MROH2B: variants seen among roughly 807,000 people sequenced by gnomAD.
The protein encoded by MROH2B is maestro heat like repeat family member 2B.
A neutral mutation model predicts 208.6 loss-of-function variants in MROH2B; 177 were observed. The observed-to-expected ratio is 0.85, with a 90% CI of 0.75 to 0.96. The LOEUF (loss-of-function observed/expected upper bound fraction) is 0.96. Among genes scored for constraint, MROH2B ranks in the 40% least tolerant of loss-of-function variants. The pLI is 0.00. For missense variants in MROH2B, 2,002 were observed against 1,878.7 expected (o/e 1.07, Z -1.21); for synonymous variants, 728 against 659.0 (o/e 1.10, Z -1.60).
rs555334996 is a variant in MROH2B, at chr5:41,021,982, G to A, written c.2442-2964C>T. Among the ~76,000 whole-genome samples, 205 of 152,300 alleles carry A rather than the reference G, an allele frequency of 1.3e-3. 2 individuals carry two copies. The highest frequency in any genetic ancestry group is 4.6e-3 in the African/African-American group (193 of 41,578). Reference sequence around the variant, plus strand: ...GACAAGGGTGCCAAGACCATTCCATGGGGAAAGGACAATTTTTTAAAAAAC... The same window carrying A: ...GACAAGGGTGCCAAGACCATTCCATAGGGAAAGGACAATTTTTTAAAAAAC... On this transcript the variant is annotated intron_variant, in intron 24 of 41. Coordinates refer to ENST00000399564, the MANE Select transcript of MROH2B (RefSeq NM_173489.5).
chr5:41,028,515 G>A (rs1224455264), intron 24 of MROH2B, among the ~76,000 whole-genome samples: 1 of 151,750 alleles, frequency 6.6e-6, no homozygotes, highest in African/African-American at 2.4e-5. Flanking sequence ...CTCCATTTCT[G>A]TATATCTGAC....
intron 24 of MROH2B, among the ~76,000 whole-genome samples, chr5:41,032,050 C>A (rs765764874): frequency 6.6e-6 from 1 of 152,074 alleles, no homozygotes; most frequent in Non-Finnish European, 1.5e-5. Flanking sequence ...ATGCATATGT[C>A]TTCACAGTAG....
At chr5:41,049,668 T>C (rs1255606250) in intron 13 of MROH2B, among the ~76,000 whole-genome samples, 2 of 152,200 alleles carry the variant, frequency 1.3e-5, no homozygotes, top group Non-Finnish European at 2.9e-5. Flanking sequence ...GTTGCTGGAA[T>C]GTGGGGCAGG....
intron 33 of MROH2B, 106 bp downstream of exon 33, chr5:41,008,494 TCATGGA>T: frequency 8.0e-7 from 1 of 1,254,824 alleles, no homozygotes; most frequent in South Asian, 1.5e-5. Context: ...CCTTGTTTCT[TCATGGA>T]CAATGGATGC....
chr5:41,022,326 C>T (rs1034568537), intron 24 of MROH2B, among the ~76,000 whole-genome samples: 1 of 152,162 alleles, frequency 6.6e-6, no homozygotes, highest in African/African-American at 2.4e-5. Flanking sequence ...CAGATGGCAC[C>T]TGGAAAATTG....
At chr5:41,058,286 C>A in intron 6 of MROH2B, 83 bp from the exon 7 acceptor site, 1 of 1,317,650 alleles carries the variant, frequency 7.6e-7, no homozygotes, top group South Asian at 2.1e-5. Context: ...GCTTTAGGTA[C>A]TCCTGAAAAC....
chr5:41,035,054 A>T (rs1365620793), intron 21 of MROH2B, among the ~76,000 whole-genome samples: 1 of 152,170 alleles, frequency 6.6e-6, no homozygotes, highest in African/African-American at 2.4e-5. Context: ...TGGTATTCCT[A>T]TCAAATTACC....
Position 41,004,406 on chromosome 5 carries a change from G to C in MROH2B, c.4134C>G (p.Asp1378Glu). The change falls in exon 37 of 42, where the codon GAC becomes GAG. Residue 1378 changes from aspartate (D) to glutamate (E), a missense_variant. By Grantham distance (45) the Asp-to-Glu change is conservative (BLOSUM62 2). Coordinates refer to ENST00000399564, the MANE Select transcript of MROH2B (RefSeq NM_173489.5). ...CCTTGAAGTAGAAGCTCACGTCTCG[G>C]TCTGTCAGCAGCTCCAGGATTTTTT... is the stretch of plus-strand genomic sequence containing the variant. Reference protein sequence around the residue: ...ALKKILELLTDRDVSFYFKEI... With the variant: ...ALKKILELLTERDVSFYFKEI... The C allele has an allele frequency of 6.2e-7, 1 of 1,613,978 alleles. No homozygotes were observed. Among genetic ancestry groups the C allele is most frequent in the Non-Finnish European group, 8.5e-7 (1 of 1,179,878 alleles).
At chr5:41,026,470 A>C (rs1260625238) in intron 24 of MROH2B, among the ~76,000 whole-genome samples, 1 of 152,208 alleles carries the variant, frequency 6.6e-6, no homozygotes, top group East Asian at 1.9e-4. Context: ...CTAGGAATCC[A>C]ACTTACTAGG....
Position 41,055,840 on chromosome 5 carries a change from C to T in MROH2B, c.935G>A (p.Gly312Glu), listed in dbSNP as rs778916080. ...TTCATCAAAAAATTCCATCAGCTCT[C>T]CAGGATTGGAATGGGCTGCAGGTTC... ...CFLILAHSNP[G>E]ELMEFFDEQV... Residue 312 changes from glycine (G) to glutamate (E), a missense_variant, in exon 10 of 42, where the codon GGA becomes GAA. Physicochemically the swap from Gly to Glu is moderately conservative, Grantham distance 98. Transcript: ENST00000399564. The T allele has an allele frequency of 1.2e-6, 2 of 1,613,272 alleles. No homozygotes were observed. Among genetic ancestry groups the T allele is most frequent in the Non-Finnish European group, 1.7e-6 (2 of 1,179,340 alleles).
chr5:41,046,837 G>A (rs1258369377), intron 17 of MROH2B, among the ~76,000 whole-genome samples: 1 of 152,130 alleles, frequency 6.6e-6, no homozygotes, highest in Non-Finnish European at 1.5e-5. Flanking sequence ...AAATATAGGA[G>A]GAGAGGTGGA....
intron 19 of MROH2B, 39 bp from the exon 20 acceptor site, chr5:41,039,594 TTTA>T (rs1275112391): frequency 5.1e-6 from 7 of 1,380,960 alleles, no homozygotes; most frequent in Non-Finnish European, 7.0e-6. Context: ...AGTTTAACCA[TTTA>T]TTTATTCAAC....
Position 41,004,425 on chromosome 5 carries a change from AT to A in MROH2B, c.4114del (p.Ile1372SerfsTer5), listed in dbSNP as rs756600463. On this transcript the variant is annotated frameshift_variant, in exon 37 of 42. Coordinates refer to ENST00000399564, the MANE Select transcript of MROH2B (RefSeq NM_173489.5). LOFTEE classifies it high-confidence loss of function. ...VCESLKALKKILELLTDRDVS... is the reference protein window; with the variant it reads ...VCESLKALKKXLELLTDRDVS... ...GTCTCGGTCTGTCAGCAGCTCCAGG[AT>A]TTTTTTTAGAGCCTTCAAGCTTTCA... The A allele has an allele frequency of 1.6e-5, 26 of 1,613,656 alleles. No individual in the cohort carries two copies. Among genetic ancestry groups the A allele is most frequent in the East Asian group, 4.5e-5 (2 of 44,880 alleles).
intron 28 of MROH2B, among the ~76,000 whole-genome samples, chr5:41,016,879 C>A (rs990384472): frequency 2.0e-5 from 3 of 151,982 alleles, no homozygotes; most frequent in Non-Finnish European, 2.9e-5. Flanking sequence ...TCCCAAAGGA[C>A]TTTTGTACCT....
chr5:41,048,305 TG>T lies in MROH2B; in HGVS notation c.1684+18del. On this transcript the variant is annotated intron_variant, in intron 16 of 41. Transcript: ENST00000399564. ...TGTTCTTGCCCCCTGGGTAAAGACCTGGCCCCAATCCCTTGTACCTTCCAGA... is the reference window on the plus strand; with the variant it reads ...TGTTCTTGCCCCCTGGGTAAAGACCTGCCCCAATCCCTTGTACCTTCCAGA... 2 of 1,598,368 alleles carry T rather than the reference TG, an allele frequency of 1.3e-6. No homozygotes were observed. Among genetic ancestry groups the T allele is most frequent in the Non-Finnish European group, 1.7e-6 (2 of 1,174,700 alleles).
intron 1 of MROH2B, 49 bp from the exon 2 acceptor site, chr5:41,069,801 C>T (rs1357594828): frequency 3.7e-6 from 5 of 1,340,058 alleles, no homozygotes; most frequent in Non-Finnish European, 5.3e-6. Context: ...GAAATGCCCT[C>T]CTGTTAATTA....
chr5:41,033,772 A>AG lies in MROH2B; in HGVS notation c.2241+65dup, dbSNP rs1216750065. 1.4e-4 allele frequency: 168 copies of AG among 1,234,280 alleles called. 1 individual carries two copies. Among genetic ancestry groups the AG allele is most frequent in the Non-Finnish European group, 3.6e-5 (31 of 869,276 alleles). 76.5% of individuals were successfully genotyped at this position (1,234,280 alleles called of 1,614,324 possible). The stretch of plus-strand genomic sequence containing the variant: ...AGGACATCTTTGCTTGGCACACTTC[A>AG]GGGGGGCATTATCTATCTATCTATC... On this transcript the variant is annotated intron_variant, in intron 22 of 41. Coordinates refer to ENST00000399564, the MANE Select transcript of MROH2B (RefSeq NM_173489.5).
chr5:41,028,824 A>C (rs921386973), intron 24 of MROH2B, among the ~76,000 whole-genome samples: 5 of 152,150 alleles, frequency 3.3e-5, no homozygotes, highest in African/African-American at 1.2e-4. Flanking sequence ...TAGGGGTACA[A>C]GTGGTTTTTG....
At chr5:41,031,513 T>C (rs1283995553) in intron 24 of MROH2B, among the ~76,000 whole-genome samples, 1 of 151,928 alleles carries the variant, frequency 6.6e-6, no homozygotes, top group African/African-American at 2.4e-5. Context: ...GCACTATGGG[T>C]GGTTTTTATT....
Sources: allele counts gnomAD v4.1 joint callset (sites outside exome capture counted in the v4.1 genomes callset), GRCh38; gene constraint gnomAD v4.1.1; transcripts MANE v1.5; gene names NCBI Gene and HGNC (gene_info 2026-07-23, HGNC 2026-07-21).